Variants in BCAS3 observed in about 807,000 individuals in gnomAD.
BCAS3 encodes BCAS3 microtubule associated cell migration factor.
A neutral mutation model predicts 116.1 loss-of-function variants in BCAS3; 53 were observed. The ratio of observed to expected loss-of-function variants is 0.46; its 90% CI spans 0.37 to 0.57. BCAS3 has a LOEUF of 0.57. Among genes scored for constraint, BCAS3 ranks in the 20% least tolerant of loss-of-function variants. BCAS3 has a pLI of 0.00. For missense variants in BCAS3, 917 were observed against 1,165.4 expected (o/e 0.79, Z 3.10); for synonymous variants, 391 against 408.2 (o/e 0.96, Z 0.51).
Position 61,287,559 on chromosome 17 carries a change from C to G in BCAS3, c.2426-80768C>G, listed in dbSNP as rs74349566. ...TAAGCAACATAGTGAGACCTCGTCT[C>G]TATGAAAAATCAAAAAATTAGCCAG... On this transcript the variant is annotated intron_variant, in intron 22 of 23. Coordinates refer to ENST00000407086, the MANE Select transcript of BCAS3 (RefSeq NM_017679.5). Among the ~76,000 whole-genome samples the G allele has an allele frequency of 5.1e-3, 772 of 151,974 alleles. 5 individuals carry two copies. Among genetic ancestry groups the G allele is most frequent in the African/African-American group, 0.018 (738 of 41,428 alleles).
intron 22 of BCAS3, among the ~76,000 whole-genome samples, chr17:61,334,272 G>A (rs1568877684): frequency 6.6e-6 from 1 of 152,214 alleles, no homozygotes; most frequent in Non-Finnish European, 1.5e-5. Flanking sequence ...TAGGAGACAA[G>A]GGTGAGCTGG....
intron 10 of BCAS3, among the ~76,000 whole-genome samples, chr17:60,900,383 A>G (rs563376256): frequency 1.1e-4 from 16 of 151,984 alleles, no homozygotes; most frequent in African/African-American, 3.4e-4. Context: ...CTAAGATTGC[A>G]TGGTTCCATG....
rs561926649 is a variant in BCAS3, at chr17:61,302,061, G to C, written c.2426-66266G>C. The stretch of plus-strand genomic sequence containing the variant: ...CCAGTGGCTTGCTGAGGAAAGGCTA[G>C]TTCTGTCAGCTAGTCCTAAGAAAAA... On this transcript the variant is annotated intron_variant, in intron 22 of 23. Coordinates refer to ENST00000407086, the MANE Select transcript of BCAS3 (RefSeq NM_017679.5). The surrounding 1 kb of genome is among the most constrained non-coding windows in gnomAD (Gnocchi z 4.4). Among the ~76,000 whole-genome samples the C allele has an allele frequency of 1.4e-4, 22 of 152,248 alleles. No homozygotes were observed. The highest frequency in any genetic ancestry group is 2.6e-4 in the Non-Finnish European group (18 of 68,020).
intron 19 of BCAS3, among the ~76,000 whole-genome samples, chr17:61,048,827 C>G (rs1159176838): frequency 6.6e-6 from 1 of 151,936 alleles, no homozygotes; most frequent in Non-Finnish European, 1.5e-5. Context: ...TAGGAAACAA[C>G]CATCTGAGTG....
chr17:61,240,059 G>A (rs139490933), intron 22 of BCAS3, among the ~76,000 whole-genome samples: 57 of 152,286 alleles, frequency 3.7e-4, no homozygotes, highest in Middle Eastern at 3.4e-3. Flanking sequence ...TTTTGGTGAA[G>A]AGAAAAGCAT....
chr17:61,187,402 GTTA>G (rs1356561024), intron 22 of BCAS3, among the ~76,000 whole-genome samples: 3 of 152,232 alleles, frequency 2.0e-5, no homozygotes, highest in Non-Finnish European at 4.4e-5. Context: ...ATGGATATGA[GTTA>G]TTGAGTAGCA....
At chr17:60,912,853 A>G (rs187260032) in intron 12 of BCAS3, among the ~76,000 whole-genome samples, 1 of 152,226 alleles carries the variant, frequency 6.6e-6, no homozygotes, top group Admixed American at 6.5e-5. Context: ...CTAGGACCAT[A>G]CATCTGTTAA....
intron 12 of BCAS3, among the ~76,000 whole-genome samples, chr17:60,917,494 A>G (rs1289891836): frequency 2.0e-5 from 3 of 152,120 alleles, no homozygotes; most frequent in African/African-American, 7.2e-5. Context: ...AGAATTTCAT[A>G]CTTTTTAAAG....
intron 5 of BCAS3, among the ~76,000 whole-genome samples, chr17:60,723,043 A>G (rs1041656485): frequency 6.6e-6 from 1 of 152,088 alleles, no homozygotes; most frequent in Non-Finnish European, 1.5e-5. Flanking sequence ...GCAAGACCCT[A>G]TTTCAAAAAA....
Position 61,344,911 on chromosome 17 carries a change from G to A in BCAS3, c.2426-23416G>A, listed in dbSNP as rs549216872. ...ACAGGTATTTTATGATTCCTGGATC[G>A]GAAATACACACACACACACACATAC... On this transcript the variant is annotated intron_variant, in intron 22 of 23. Transcript: ENST00000407086. This position sits in a 1 kb window ranked among gnomAD's most constrained non-coding sequence, Gnocchi z 4.1. Among the ~76,000 whole-genome samples the A allele has an allele frequency of 1.0e-4, 15 of 150,574 alleles. No homozygotes were observed. The highest frequency in any genetic ancestry group is 2.4e-4 in the African/African-American group (10 of 41,200).
intron 12 of BCAS3, among the ~76,000 whole-genome samples, chr17:60,920,887 ACAACAAC>A (rs1446810747): frequency 1.1e-5 from 1 of 94,966 alleles, no homozygotes; most frequent in East Asian, 2.5e-4. Flanking sequence ...AACAACAACA[ACAACAAC>A]AACAACAACA....
At chr17:60,820,593 T>C (rs560327321) in intron 7 of BCAS3, among the ~76,000 whole-genome samples, 1 of 152,320 alleles carries the variant, frequency 6.6e-6, no homozygotes, top group African/African-American at 2.4e-5. Context: ...AACATTGTTT[T>C]CAGAACAATA....
At chr17:61,099,937 T>G (rs768935863) in intron 22 of BCAS3, among the ~76,000 whole-genome samples, 3 of 152,238 alleles carry the variant, frequency 2.0e-5, no homozygotes, top group Admixed American at 6.5e-5. Context: ...TTCCAAAATT[T>G]TAGTGGTGTC....
intron 7 of BCAS3, among the ~76,000 whole-genome samples, chr17:60,816,720 A>G (rs996653396): frequency 2.0e-5 from 3 of 152,192 alleles, no homozygotes; most frequent in African/African-American, 7.2e-5. Context: ...CAGAATTGCA[A>G]TTTGGGGCCA....
At chr17:61,067,514 C>A (rs1019977769) in intron 19 of BCAS3, among the ~76,000 whole-genome samples, 1 of 148,700 alleles carries the variant, frequency 6.7e-6, no homozygotes, top group Non-Finnish European at 1.5e-5. Context: ...GTCAAAAGAT[C>A]GAGACCATCC....
intron 19 of BCAS3, among the ~76,000 whole-genome samples, chr17:61,071,874 C>T (rs935593177): frequency 5.3e-5 from 8 of 152,060 alleles, no homozygotes; most frequent in Non-Finnish European, 1.0e-4. Context: ...TTATAGTTAG[C>T]TTCTAATTAT....
At chr17:61,341,168 A>G (rs949976153) in intron 22 of BCAS3, among the ~76,000 whole-genome samples, 2 of 152,164 alleles carry the variant, frequency 1.3e-5, no homozygotes, top group African/African-American at 4.8e-5. Context: ...GGGCACAGGA[A>G]CAGACTGTAA....
intron 22 of BCAS3, among the ~76,000 whole-genome samples, chr17:61,250,944 C>G (rs1487848444): frequency 6.6e-6 from 1 of 152,208 alleles, no homozygotes; most frequent in Non-Finnish European, 1.5e-5. Flanking sequence ...TGTGGTACTT[C>G]ACATGAGCGG....
intron 12 of BCAS3, among the ~76,000 whole-genome samples, chr17:60,922,702 G>A (rs1025584774): frequency 1.3e-5 from 2 of 152,140 alleles, no homozygotes; most frequent in Non-Finnish European, 2.9e-5. Flanking sequence ...CAGATGCTTG[G>A]CCATGAAACA....
Sources: gnomAD v4.1 joint callset for allele counts (sites outside exome capture counted in the v4.1 genomes callset) on GRCh38, gnomAD v4.1.1 for gene constraint, Gnocchi (gnomAD v3.1) non-coding constraint, MANE v1.5 for transcripts, NCBI Gene and HGNC (gene_info 2026-07-23, HGNC 2026-07-21) for gene names.